The following LINGO2 variants were observed in gnomAD, a reference collection of about 807,000 sequenced individuals.
LINGO2 encodes leucine-rich repeat and immunoglobulin-like domain-containing nogo receptor-interacting protein 2.
In LINGO2, 14 loss-of-function variants were observed where a neutral mutation model predicts 30.6. That is an observed-to-expected ratio of 0.46 (90% CI 0.30 to 0.72). The LOEUF (loss-of-function observed/expected upper bound fraction) is 0.72. Ranked by LOEUF, LINGO2 falls within the 30% of genes least tolerant of loss-of-function variation. LINGO2 has a pLI of 0.07. For synonymous variants in LINGO2, 317 were observed against 288.5 expected, an observed-to-expected ratio of 1.10 and a Z score of -1.00; for missense variants, 729 against 751.7, an observed-to-expected ratio of 0.97 and a Z score of 0.35.
the LINGO2 span, among the ~76,000 whole-genome samples, chr9:29,111,413 C>T: frequency 6.6e-6 from 1 of 152,026 alleles, no homozygotes; most frequent in Non-Finnish European, 1.5e-5. Flanking sequence ...CTCCACAAGT[C>T]CCTTCCCATC....
the LINGO2 span, among the ~76,000 whole-genome samples, chr9:28,786,371 G>C: frequency 6.6e-6 from 1 of 152,122 alleles, no homozygotes; most frequent in African/African-American, 2.4e-5. Flanking sequence ...TAAGTTCAAA[G>C]AGTAAGGAAT....
chr9:28,041,591 T>C (rs1824197717), intron 4 of LINGO2, among the ~76,000 whole-genome samples: 1 of 152,146 alleles, frequency 6.6e-6, no homozygotes, highest in Non-Finnish European at 1.5e-5. Context: ...TTTTAAAGTC[T>C]CAGTTCTGAC....
chr9:28,305,963 A>C (rs1337174947), intron 3 of LINGO2, among the ~76,000 whole-genome samples: 1 of 152,062 alleles, frequency 6.6e-6, no homozygotes, highest in East Asian at 1.9e-4. Flanking sequence ...AATCATAGAA[A>C]ACTCAGAGTA....
At chr9:29,001,208 C>A in the LINGO2 span, among the ~76,000 whole-genome samples, 15 of 151,956 alleles carry the variant, frequency 9.9e-5, no homozygotes, top group South Asian at 2.5e-3. Context: ...GAAATGAGAT[C>A]TCGTTGTAGC....
At chr9:28,626,907 C>A (rs990730651) in intron 1 of LINGO2, among the ~76,000 whole-genome samples, 2 of 151,580 alleles carry the variant, frequency 1.3e-5, no homozygotes, top group Non-Finnish European at 2.9e-5. Context: ...TTTATAGTAG[C>A]CATTTTACAG....
At chr9:28,172,016 C>CAAAA (rs1197927884) in intron 4 of LINGO2, among the ~76,000 whole-genome samples, 1,277 of 43,754 alleles carry the variant, frequency 0.029, 130 homozygotes, top group Middle Eastern at 0.038. Context: ...GACTCCGTCT[C>CAAAA]AAAAAAAAAA....
the LINGO2 span, among the ~76,000 whole-genome samples, chr9:29,064,077 TA>T: frequency 2.0e-5 from 3 of 152,268 alleles, no homozygotes; most frequent in South Asian, 4.1e-4. Context: ...TGAACATCTA[TA>T]TTTTTTTGCT....
the LINGO2 span, among the ~76,000 whole-genome samples, chr9:29,117,770 C>T: frequency 6.6e-6 from 1 of 152,180 alleles, no homozygotes; most frequent in African/African-American, 2.4e-5. Flanking sequence ...AGTAATGAAG[C>T]TAAGTTAGTA....
At chr9:28,938,298 C>G in the LINGO2 span, among the ~76,000 whole-genome samples, 1 of 152,146 alleles carries the variant, frequency 6.6e-6, no homozygotes, top group African/African-American at 2.4e-5. Context: ...TCTTGGTGTT[C>G]TCTATAGAAC....
Position 28,097,853 on chromosome 9 carries a change from AT to A in LINGO2, c.-86-85449del, listed in dbSNP as rs1395458172. Among the ~76,000 whole-genome samples the A allele has an allele frequency of 1.2e-4, 15 of 121,154 alleles. 1 individual carries two copies. The highest frequency in any genetic ancestry group is 4.7e-4 in the African/African-American group (15 of 31,850). 79.5% of individuals were successfully genotyped at this position (121,154 alleles called of 152,430 possible). A position where few individuals can be genotyped will look rare whatever the true frequency, so the allele number is the denominator to read the frequency against. On this transcript the variant is annotated intron_variant, in intron 4 of 5. Coordinates refer to ENST00000379992, the Ensembl canonical transcript of LINGO2. The stretch of plus-strand genomic sequence containing the variant: ...AATATAATAATAATGAAATAAAAAA[AT>A]AAAAGATACACAACCTCTTAAAAAA...
At chr9:28,863,563 T>C in the LINGO2 span, 1 of 503,896 alleles carries the variant, frequency 2.0e-6, no homozygotes, top group Non-Finnish European at 4.1e-6. Context: ...AAGTGGCTTG[T>C]TCTCAATGGC....
chr9:28,790,276 T>C, the LINGO2 span, among the ~76,000 whole-genome samples: 1 of 151,780 alleles, frequency 6.6e-6, no homozygotes, highest in Non-Finnish European at 1.5e-5. Context: ...TACCTCACAA[T>C]GCCTACATCA....
At chr9:29,150,745 G>A in the LINGO2 span, among the ~76,000 whole-genome samples, 12 of 152,182 alleles carry the variant, frequency 7.9e-5, no homozygotes, top group East Asian at 3.9e-4. Flanking sequence ...TGAGAAATAC[G>A]GGATTTCATA....
chr9:28,716,686 G>C, the LINGO2 span, among the ~76,000 whole-genome samples: 1 of 152,014 alleles, frequency 6.6e-6, no homozygotes, highest in African/African-American at 2.4e-5. Context: ...TCATTTTTCT[G>C]GTAGATAAGA....
At chr9:27,994,931 G>A (rs1821582942) in intron 5 of LINGO2, among the ~76,000 whole-genome samples, 3 of 152,040 alleles carry the variant, frequency 2.0e-5, no homozygotes, top group African/African-American at 7.2e-5. Flanking sequence ...TAAACTCTCT[G>A]CTCTTAATTT....
chr9:28,649,465 C>T (rs1411812305), intron 1 of LINGO2, among the ~76,000 whole-genome samples: 2 of 152,096 alleles, frequency 1.3e-5, no homozygotes, highest in Non-Finnish European at 2.9e-5. Flanking sequence ...CAGCATGTGG[C>T]AGAACCTGAA....
chr9:28,999,699 T>A, the LINGO2 span, among the ~76,000 whole-genome samples: 1 of 151,982 alleles, frequency 6.6e-6, no homozygotes, highest in Non-Finnish European at 1.5e-5. Flanking sequence ...AGTAAACAGG[T>A]TAGAGTGTCC....
the LINGO2 span, among the ~76,000 whole-genome samples, chr9:29,048,682 T>C: frequency 1.3e-5 from 2 of 152,120 alleles, no homozygotes; most frequent in African/African-American, 4.8e-5. Context: ...GTGAACTCAT[T>C]TTTGACAAAT....
intron 1 of LINGO2, among the ~76,000 whole-genome samples, chr9:28,653,739 C>A (rs1429567022): frequency 6.6e-6 from 1 of 152,060 alleles, no homozygotes; most frequent in Non-Finnish European, 1.5e-5. Context: ...ATCCAATATA[C>A]ACTGTACGGG....
Sources: allele counts gnomAD v4.1 joint callset (sites outside exome capture counted in the v4.1 genomes callset), GRCh38; gene constraint gnomAD v4.1.1; transcripts MANE v1.5; gene names NCBI Gene and HGNC (gene_info 2026-07-23, HGNC 2026-07-21).